The following CTNNA2 variants were observed in gnomAD, a reference collection of about 807,000 sequenced individuals.
The protein encoded by CTNNA2 is catenin alpha 2, also known as catenin alpha-2.
CTNNA2 carries 42 observed loss-of-function variants against 101.0 expected under a neutral mutation model. That is an observed-to-expected ratio of 0.42 (90% CI 0.32 to 0.54). The LOEUF (loss-of-function observed/expected upper bound fraction) is 0.54. Among genes scored for constraint, CTNNA2 ranks in the 20% least tolerant of loss-of-function variants. The probability of loss-of-function intolerance (pLI) is 0.14; values close to 1 mark genes in which losing one functional copy is unlikely to be tolerated. For synonymous variants in CTNNA2, 450 were observed against 456.4 expected (o/e 0.99, Z 0.18); for missense variants, 871 against 1,223.1 (o/e 0.71, Z 4.29).
chr2:79,380,926 T>C (rs892982169), intron 4 of CTNNA2, among the ~76,000 whole-genome samples: 21 of 152,180 alleles, frequency 1.4e-4, no homozygotes, highest in African/African-American at 5.1e-4. Context: ...ATTCAAATAA[T>C]ATGTGAACTA....
chr2:79,295,752 C>T (rs1675963747), intron 2 of CTNNA2, among the ~76,000 whole-genome samples: 2 of 152,072 alleles, frequency 1.3e-5, no homozygotes, highest in South Asian at 4.1e-4. Context: ...AATCTCTCTG[C>T]ATATCCTATT....
intron 1 of CTNNA2, among the ~76,000 whole-genome samples, chr2:79,193,498 TG>T (rs1673903359): frequency 6.6e-6 from 1 of 152,058 alleles, no homozygotes; most frequent in South Asian, 2.1e-4. Context: ...TGTAGTAGCC[TG>T]TACCACCTAG....
chr2:79,862,004 CT>C (rs538417773), intron 4 of CTNNA2, among the ~76,000 whole-genome samples: 481 of 152,206 alleles, frequency 3.2e-3, no homozygotes, highest in African/African-American at 0.01. Flanking sequence ...TAAAGGAATC[CT>C]GCATGTCAAT....
intron 2 of CTNNA2, among the ~76,000 whole-genome samples, chr2:79,220,112 C>A (rs547340565): frequency 6.6e-6 from 1 of 151,984 alleles, no homozygotes; most frequent in Admixed American, 6.6e-5. Flanking sequence ...TCTTAATCAG[C>A]GCTTCCCCCA....
intron 2 of CTNNA2, among the ~76,000 whole-genome samples, chr2:79,253,705 C>T (rs1314619292): frequency 3.9e-5 from 6 of 152,190 alleles, no homozygotes; most frequent in African/African-American, 1.4e-4. Flanking sequence ...CATTTATATT[C>T]ATTTGTCCAA....
intron 6 of CTNNA2, among the ~76,000 whole-genome samples, chr2:79,898,869 A>G (rs1684888423): frequency 6.6e-6 from 1 of 152,112 alleles, no homozygotes; most frequent in Non-Finnish European, 1.5e-5. Context: ...AGCAGGTGAT[A>G]GTAGAGAGTA....
At chr2:79,700,739 T>C (rs1001840470) in intron 2 of CTNNA2, among the ~76,000 whole-genome samples, 2 of 152,156 alleles carry the variant, frequency 1.3e-5, no homozygotes, top group Non-Finnish European at 2.9e-5. Flanking sequence ...AAAGGAAATT[T>C]AGGATGTGAT....
chr2:79,202,578 A>T (rs1674051421), intron 2 of CTNNA2, among the ~76,000 whole-genome samples: 1 of 152,122 alleles, frequency 6.6e-6, no homozygotes, highest in Non-Finnish European at 1.5e-5. Flanking sequence ...CCTAAATTTC[A>T]GCTCCCTTGG....
intron 7 of CTNNA2, among the ~76,000 whole-genome samples, chr2:80,369,647 A>T (rs1176770037): frequency 6.6e-6 from 1 of 152,150 alleles, no homozygotes; most frequent in Non-Finnish European, 1.5e-5. Flanking sequence ...GATGTGATTA[A>T]GGTTAAAGAC....
chr2:79,992,032 C>G (rs574639152), intron 7 of CTNNA2, among the ~76,000 whole-genome samples: 1 of 152,028 alleles, frequency 6.6e-6, no homozygotes, highest in Non-Finnish European at 1.5e-5. Flanking sequence ...GTATCAGTGA[C>G]GGATATTGAT....
intron 2 of CTNNA2, among the ~76,000 whole-genome samples, chr2:79,226,701 A>C (rs918867902): frequency 2.0e-5 from 3 of 152,184 alleles, no homozygotes; most frequent in Admixed American, 2.0e-4. Flanking sequence ...TAAATGAACA[A>C]ATCCAAATTG....
Position 79,467,891 on chromosome 2 carries a change from A to G in CTNNA2, c.-134-37163A>G, listed in dbSNP as rs995297329. ...CTCCTGAAGGAAGCACTAAACATGG[A>G]AAGGAACAACTGGTACCAGCCACTG... On this transcript the variant is annotated intron_variant, in intron 4 of 21. Coordinates refer to the CTNNA2 transcript ENST00000466387. 6.6e-5 allele frequency among the ~76,000 whole-genome samples: 10 copies of G among 152,316 alleles called. No individual in the cohort carries two copies. In the South Asian group the frequency reaches 2.1e-3, roughly 32 times the overall value.
At chr2:79,760,068 A>C (rs994077252) in intron 3 of CTNNA2, among the ~76,000 whole-genome samples, 1 of 152,110 alleles carries the variant, frequency 6.6e-6, no homozygotes, top group Non-Finnish European at 1.5e-5. Context: ...TGACTCAATA[A>C]TTTATTAACT....
chr2:79,386,764 C>T (rs1189813464), intron 4 of CTNNA2, among the ~76,000 whole-genome samples: 3 of 152,192 alleles, frequency 2.0e-5, no homozygotes, highest in African/African-American at 7.2e-5. Flanking sequence ...GCTTGCTAAC[C>T]ACAACTTATT....
intron 9 of CTNNA2, among the ~76,000 whole-genome samples, chr2:80,421,502 G>A (rs939474302): frequency 1.3e-5 from 2 of 152,094 alleles, no homozygotes; most frequent in Non-Finnish European, 2.9e-5. Context: ...TGTGACAGGC[G>A]CTGGACACAT....
chr2:79,800,887 C>T (rs1289690720), intron 3 of CTNNA2, among the ~76,000 whole-genome samples: 1 of 152,114 alleles, frequency 6.6e-6, no homozygotes, highest in Admixed American at 6.5e-5. Context: ...ATTTAGGTGT[C>T]ATAGAAAGTG....
chr2:79,769,025 T>G lies in CTNNA2; in HGVS notation c.298+24443T>G, dbSNP rs537342795. Among the ~76,000 whole-genome samples, 4 of 152,198 alleles carry G rather than the reference T, an allele frequency of 2.6e-5. No individual in the cohort carries two copies. The East Asian group carries it at 5.8e-4, about 22-fold the overall frequency. ...GCCCGCCACCACGCCTGGCTAATTT[T>G]TTTGTATTTTTAGTAGAGAAGAGGT... On this transcript the variant is annotated intron_variant, in intron 3 of 18. Coordinates refer to ENST00000402739, the MANE Select transcript of CTNNA2 (RefSeq NM_001282597.3).
chr2:79,797,992 A>G (rs746855284), intron 3 of CTNNA2, among the ~76,000 whole-genome samples: 41 of 151,766 alleles, frequency 2.7e-4, no homozygotes, highest in Non-Finnish European at 4.7e-4. Context: ...CCTTTTTCTC[A>G]TATGTATATT....
chr2:80,521,022 G>A (rs1689501957), intron 9 of CTNNA2, among the ~76,000 whole-genome samples: 1 of 152,174 alleles, frequency 6.6e-6, no homozygotes, highest in Non-Finnish European at 1.5e-5. Context: ...CCAGGTGAAT[G>A]AGGATGAGAT....
Sources: allele counts gnomAD v4.1 joint callset (sites outside exome capture counted in the v4.1 genomes callset), GRCh38; gene constraint gnomAD v4.1.1; transcripts MANE v1.5; gene names NCBI Gene and HGNC (gene_info 2026-07-23, HGNC 2026-07-21).